B3GLCT: variants seen among roughly 807,000 people sequenced by gnomAD.
The protein encoded by B3GLCT is beta-1,3-glucosyltransferase.
B3GLCT carries 65 observed loss-of-function variants against 63.4 expected under a neutral mutation model. The observed-to-expected ratio is 1.03, with a 90% CI of 0.84 to 1.26. The LOEUF (loss-of-function observed/expected upper bound fraction) is 1.26, where lower values mean the gene tolerates loss of function less well. B3GLCT is among the 50% of genes most tolerant of loss of function. The probability of loss-of-function intolerance (pLI) is 0.00; values close to 1 mark genes in which losing one functional copy is unlikely to be tolerated. For synonymous variants in B3GLCT, 233 were observed against 219.2 expected (o/e 1.06, Z -0.55); for missense variants, 577 against 604.8 (o/e 0.95, Z 0.48).
intron 4 of B3GLCT, among the ~76,000 whole-genome samples, chr13:31,246,531 T>C (rs1390941434): frequency 8.0e-6 from 1 of 125,260 alleles, no homozygotes; most frequent in African/African-American, 3.2e-5. Flanking sequence ...TAGAGAACTT[T>C]AAAAAGTAAA....
intron 12 of B3GLCT, chr13:31,311,553 C>T (rs913873510): frequency 5.3e-5 from 8 of 152,208 alleles, no homozygotes; most frequent in African/African-American, 1.9e-4. Flanking sequence ...TCTTTCTCAA[C>T]CACTTTGTAA....
At chr13:31,317,293 G>A (rs575786290) in intron 12 of B3GLCT, among the ~76,000 whole-genome samples, 3 of 152,316 alleles carry the variant, frequency 2.0e-5, no homozygotes, top group East Asian at 1.9e-4. Context: ...TCAGGCAGCC[G>A]TATTATGGCA....
chr13:31,222,902 GCTTTGTTATGTA>G, intron 2 of B3GLCT, 38 bp from the exon 3 acceptor site: 1 of 1,236,766 alleles, frequency 8.1e-7, no homozygotes, highest in Non-Finnish European at 1.2e-6. Context: ...TGTACTGCTG[GCTTTGTTATGTA>G]CTGAGATTCA....
chr13:31,213,031 T>C (rs1869354444), intron 1 of B3GLCT, among the ~76,000 whole-genome samples: 1 of 150,406 alleles, frequency 6.6e-6, no homozygotes, highest in Non-Finnish European at 1.5e-5. Context: ...TGTGTGTGTG[T>C]GTGTGCACGC....
At position 31,261,079 on chromosome 13, in the gene B3GLCT, A is replaced by G. The variant is rs1457775159; in HGVS notation, c.593A>G (p.Asn198Ser). The G allele has an allele frequency of 1.2e-6, 2 of 1,613,334 alleles. No homozygotes were observed. Among genetic ancestry groups the G allele is most frequent in the East Asian group, 2.2e-5 (1 of 44,862 alleles). Residue 198 changes from asparagine to serine, a missense_variant, in exon 7 of 15, where the codon AAC becomes AGC. By Grantham distance (46) the Asn-to-Ser change is conservative. Coordinates refer to ENST00000343307, the MANE Select transcript of B3GLCT (RefSeq NM_194318.4). ...TGGGCCTTAAGTATTCCACTTGTAA[A>G]CAAGTAAGAATTTATTGGAATTTTT... ...AGWALSIPLV[N>S]KLTKRLKSES...
intron 12 of B3GLCT, among the ~76,000 whole-genome samples, chr13:31,314,680 T>C (rs953549045): frequency 3.3e-5 from 5 of 152,254 alleles, no homozygotes; most frequent in African/African-American, 1.2e-4. Flanking sequence ...TATGGACTTT[T>C]GAACTAATGT....
chr13:31,216,121 A>G (rs1180810492), intron 2 of B3GLCT, among the ~76,000 whole-genome samples: 4 of 137,290 alleles, frequency 2.9e-5, no homozygotes, highest in African/African-American at 1.1e-4. Context: ...CAATTGGTGT[A>G]AAAGCATTTT....
intron 1 of B3GLCT, among the ~76,000 whole-genome samples, chr13:31,208,328 A>G (rs1198163158): frequency 6.6e-6 from 1 of 152,044 alleles, no homozygotes; most frequent in East Asian, 1.9e-4. Context: ...TAAATGTTGC[A>G]GTTCCCCTGA....
chr13:31,274,420 G>A, intron 8 of B3GLCT, 89 bp from the exon 9 acceptor site: 2 of 1,533,884 alleles, frequency 1.3e-6, no homozygotes, highest in Admixed American at 1.7e-5. Flanking sequence ...TGGAAGATGT[G>A]TTCTGCTTTC....
At chr13:31,236,980 G>T (rs1376355181) in intron 4 of B3GLCT, among the ~76,000 whole-genome samples, 1 of 152,026 alleles carries the variant, frequency 6.6e-6, no homozygotes, top group African/African-American at 2.4e-5. Context: ...ACAAAAATTA[G>T]CCGGTCGTGG....
intron 12 of B3GLCT, among the ~76,000 whole-genome samples, chr13:31,296,104 C>T (rs1279404627): frequency 2.6e-5 from 4 of 152,176 alleles, no homozygotes; most frequent in African/African-American, 9.7e-5. Context: ...GGTAAGGCGA[C>T]GCACCCACTG....
chr13:31,262,404 A>G (rs564768019), intron 7 of B3GLCT, among the ~76,000 whole-genome samples: 6 of 152,360 alleles, frequency 3.9e-5, no homozygotes, highest in Non-Finnish European at 4.4e-5. Context: ...AAGCATGCCT[A>G]AGAGCATCTG....
At chr13:31,249,139 T>C (rs1871320141) in intron 6 of B3GLCT, among the ~76,000 whole-genome samples, 1 of 152,154 alleles carries the variant, frequency 6.6e-6, no homozygotes, top group Admixed American at 6.5e-5. Context: ...TTCTGCTCGG[T>C]TTGTTGATGT....
intron 4 of B3GLCT, among the ~76,000 whole-genome samples, chr13:31,240,849 T>G (rs1326173417): frequency 6.6e-6 from 1 of 152,226 alleles, no homozygotes; most frequent in African/African-American, 2.4e-5. Flanking sequence ...GAATGCAAAT[T>G]TATCGACCCA....
chr13:31,206,848 T>A (rs1329448515), intron 1 of B3GLCT, among the ~76,000 whole-genome samples: 1 of 152,172 alleles, frequency 6.6e-6, no homozygotes, highest in African/African-American at 2.4e-5. Flanking sequence ...TCAGGTCTTT[T>A]GTGTACTTGG....
At chr13:31,240,376 T>TGTAAAAA (rs1331998109) in intron 4 of B3GLCT, among the ~76,000 whole-genome samples, 10 of 152,132 alleles carry the variant, frequency 6.6e-5, no homozygotes, top group Admixed American at 1.3e-4. Context: ...TGGCATAATC[T>TGTAAAAA]CAACTTTACA....
chr13:31,222,389 A>G (rs1202649850), intron 2 of B3GLCT, among the ~76,000 whole-genome samples: 1 of 152,072 alleles, frequency 6.6e-6, no homozygotes, highest in African/African-American at 2.4e-5. Context: ...GTGCTCCTGA[A>G]TTCTGGTGAC....
intron 6 of B3GLCT, among the ~76,000 whole-genome samples, chr13:31,252,031 C>T (rs1871452915): frequency 6.6e-6 from 1 of 152,184 alleles, no homozygotes. Flanking sequence ...AGCAGAAACC[C>T]TACAAGCCAG....
intron 1 of B3GLCT, among the ~76,000 whole-genome samples, chr13:31,203,541 C>T (rs546530885): frequency 6.6e-6 from 1 of 152,320 alleles, no homozygotes; most frequent in East Asian, 1.9e-4. Flanking sequence ...TTATAATTGG[C>T]TCTTTTGGAG....
Sources: allele counts gnomAD v4.1 joint callset (sites outside exome capture counted in the v4.1 genomes callset), GRCh38; gene constraint gnomAD v4.1.1; transcripts MANE v1.5; gene names NCBI Gene and HGNC (gene_info 2026-07-23, HGNC 2026-07-21).